SLF1: variants seen among roughly 807,000 people sequenced by gnomAD.
SLF1 encodes SMC5-SMC6 complex localization factor protein 1.
In SLF1, 105 loss-of-function variants were observed where a neutral mutation model predicts 123.0. That is an observed-to-expected ratio of 0.85 (90% CI 0.73 to 1.00). The LOEUF is 1.00. Among genes scored for constraint, SLF1 ranks in the 50% least tolerant of loss-of-function variants. The pLI, the probability that SLF1 is intolerant of heterozygous loss-of-function variation, is 0.00. For missense variants in SLF1, 1,239 were observed against 1,223.0 expected (o/e 1.01, Z -0.20); for synonymous variants, 434 against 406.6 (o/e 1.07, Z -0.81).
intron 15 of SLF1, among the ~76,000 whole-genome samples, chr5:94,681,772 T>A (rs761006277): frequency 1.2e-4 from 18 of 152,126 alleles, no homozygotes; most frequent in Admixed American, 3.9e-4. Context: ...CTTGCGATAG[T>A]TTACTGAGAA....
At chr5:94,651,197 A>G (rs538135820) in intron 6 of SLF1, among the ~76,000 whole-genome samples, 13 of 152,210 alleles carry the variant, frequency 8.5e-5, no homozygotes, top group Non-Finnish European at 1.5e-4. Context: ...ACCATACCAT[A>G]TAGACTAGGT....
At chr5:94,673,315 C>CT (rs899497282) in intron 14 of SLF1, among the ~76,000 whole-genome samples, 4 of 151,738 alleles carry the variant, frequency 2.6e-5, no homozygotes, top group African/African-American at 4.8e-5. Context: ...AATTTGTTCT[C>CT]TTTTTTTTCT....
At chr5:94,672,585 C>A (rs1161157096) in intron 14 of SLF1, among the ~76,000 whole-genome samples, 2 of 151,472 alleles carry the variant, frequency 1.3e-5, no homozygotes, top group African/African-American at 4.9e-5. Flanking sequence ...TTCATTAGTT[C>A]TTTCTTCAGC....
At chr5:94,624,534 TTAA>T (rs1164109134) in intron 1 of SLF1, among the ~76,000 whole-genome samples, 5 of 152,148 alleles carry the variant, frequency 3.3e-5, no homozygotes, top group Admixed American at 6.5e-5. Context: ...TGTTACCTTA[TTAA>T]TAATCAAATT....
intron 13 of SLF1, 71 bp downstream of exon 13, chr5:94,670,350 A>T: frequency 9.1e-7 from 1 of 1,104,140 alleles, no homozygotes; most frequent in Non-Finnish European, 1.2e-6. Flanking sequence ...TTTTTTTACA[A>T]TTATTATAAA....
rs1416374627 is a variant in SLF1, at chr5:94,630,784, A to T, written c.431+41A>T. ...ATAAAAGCTAAAGCAATTAATGAGA[A>T]AATAATTTTGATTTGCATGAGTACT... is the stretch of plus-strand genomic sequence containing the variant. On this transcript the variant is annotated intron_variant, in intron 4 of 20. Coordinates refer to ENST00000265140, the MANE Select transcript of SLF1 (RefSeq NM_032290.4). 12 of 1,513,922 alleles carry T rather than the reference A, an allele frequency of 7.9e-6. No individual in the cohort carries two copies. In the East Asian group the frequency reaches 2.7e-4, roughly 34 times the overall value. The allele number at this position is 1,513,922 out of a possible 1,614,324, so 93.8% of individuals were successfully genotyped here. A position where few individuals can be genotyped will look rare whatever the true frequency, so the allele number is the denominator to read the frequency against.
intron 18 of SLF1, 79 bp from the exon 19 acceptor site, chr5:94,691,485 C>A: frequency 9.5e-7 from 1 of 1,053,404 alleles, no homozygotes; most frequent in Middle Eastern, 2.6e-4. Flanking sequence ...GGCCAGATCT[C>A]CTAGTTCATG....
intron 5 of SLF1, among the ~76,000 whole-genome samples, chr5:94,648,238 AT>A (rs1747289734): frequency 6.6e-6 from 1 of 152,058 alleles, no homozygotes; most frequent in African/African-American, 2.4e-5. Context: ...CTTAGTTTTC[AT>A]TTTCACCTTT....
intron 6 of SLF1, among the ~76,000 whole-genome samples, chr5:94,650,788 T>A (rs1747616336): frequency 6.6e-6 from 1 of 152,210 alleles, no homozygotes; most frequent in South Asian, 2.1e-4. Flanking sequence ...ATGTGCATGT[T>A]TTAATGAGAA....
chr5:94,628,839 T>C lies in SLF1; in HGVS notation c.29T>C (p.Ile10Thr). 1.3e-6 allele frequency: 2 copies of C among 1,549,402 alleles called. No homozygotes were observed. Among genetic ancestry groups the C allele is most frequent in the Non-Finnish European group, 8.7e-7 (1 of 1,146,118 alleles). The change falls in exon 2 of 21, where the codon ATC (isoleucine) becomes ACC (threonine). Residue 10 changes from isoleucine to threonine, a missense_variant. Transcript: ENST00000265140. MEDGTPKHI[I>T]QMTGFKMEEK... is the part of the protein sequence containing the mutation. ...GAAGATGGTACCCCAAAGCATATCATCCAGATGACAGGATTTAAGATGGAA... is the reference window on the plus strand; with the variant it reads ...GAAGATGGTACCCCAAAGCATATCACCCAGATGACAGGATTTAAGATGGAA...
chr5:94,692,382 AAAGT>A (rs1753132116), intron 20 of SLF1, 126 bp downstream of exon 20: 2 of 969,210 alleles, frequency 2.1e-6, no homozygotes, highest in South Asian at 4.3e-5. Flanking sequence ...TATTAATGAA[AAAGT>A]AAGGATAAAA....
At chr5:94,686,473 G>C in intron 15 of SLF1, 100 bp from the exon 16 acceptor site, 1 of 1,273,584 alleles carries the variant, frequency 7.9e-7, no homozygotes, top group East Asian at 2.3e-5. Flanking sequence ...AGGTGTAAGA[G>C]CTCTCATTTG....
chr5:94,654,648 A>G lies in SLF1; in HGVS notation c.1051A>G (p.Ile351Val), dbSNP rs1440658708. ...TATGCAGAAAGAAATGAAGAATTCT[A>G]TTTTTGCTGAATATGCCAAAGAATC... ...NRDQKEMKNS[I>V]FAEYAKESKA... Residue 351 changes from isoleucine (I) to valine (V), a missense_variant, in exon 9 of 21, where the codon ATT becomes GTT. Coordinates refer to ENST00000265140, the MANE Select transcript of SLF1 (RefSeq NM_032290.4). 3.9e-6 allele frequency: 6 copies of G among 1,538,664 alleles called. No individual in the cohort carries two copies. Among genetic ancestry groups the G allele is most frequent in the East Asian group, 2.5e-5 (1 of 40,446 alleles).
intron 4 of SLF1, among the ~76,000 whole-genome samples, chr5:94,633,460 C>G (rs1028993847): frequency 6.6e-6 from 1 of 152,030 alleles, no homozygotes; most frequent in African/African-American, 2.4e-5. Flanking sequence ...AATATCTAAA[C>G]CTAATGTGAT....
chr5:94,666,408 A>C (rs1749761764), intron 12 of SLF1, among the ~76,000 whole-genome samples: 1 of 152,158 alleles, frequency 6.6e-6, no homozygotes, highest in African/African-American at 2.4e-5. Context: ...TTAGGGCTTC[A>C]GTTATATTTT....
intron 4 of SLF1, among the ~76,000 whole-genome samples, chr5:94,633,891 C>T (rs1745473721): frequency 6.6e-6 from 1 of 151,958 alleles, no homozygotes; most frequent in African/African-American, 2.4e-5. Context: ...AATTTGCTTT[C>T]GTTATTTTTC....
At chr5:94,670,817 A>C in intron 13 of SLF1, 26 bp from the exon 14 acceptor site, 1 of 1,515,006 alleles carries the variant, frequency 6.6e-7, no homozygotes, top group Admixed American at 2.0e-5. Context: ...GCTTAAAGAT[A>C]TACTTTTTGT....
chr5:94,694,739 C>G (rs1185791927), intron 20 of SLF1, 92 bp from the exon 21 acceptor site: 1 of 1,429,532 alleles, frequency 7.0e-7, no homozygotes, highest in Non-Finnish European at 9.4e-7. Flanking sequence ...GCAAAGAAAG[C>G]ACTGGATGCT....
Position 94,663,791 on chromosome 5 carries a change from T to C in SLF1, c.1251T>C (p.Ile417=). ...AEFPRGVLNL[I]ESLIEGHFFK... ...TTCCCAGAGGTGTATTAAATTTAAT[T>C]GAAAGCCTCATAGAAGGACATTTTT... is the stretch of plus-strand genomic sequence containing the variant. The change falls in exon 11 of 21, where the codon ATT becomes ATC. Residue 417 remains isoleucine (I), a synonymous_variant. Transcript: ENST00000265140. 6.5e-7 allele frequency: 1 copy of C among 1,548,396 alleles called. No individual in the cohort carries two copies. Among genetic ancestry groups the C allele is most frequent in the South Asian group, 1.2e-5 (1 of 82,844 alleles).
Sources: allele counts gnomAD v4.1 joint callset (sites outside exome capture counted in the v4.1 genomes callset), GRCh38; gene constraint gnomAD v4.1.1; transcripts MANE v1.5; gene names NCBI Gene and HGNC (gene_info 2026-07-23, HGNC 2026-07-21).